MSR1: variants seen among roughly 807,000 people sequenced by gnomAD.
The protein encoded by MSR1 is macrophage scavenger receptor types I and II.
A neutral mutation model predicts 47.2 loss-of-function variants in MSR1; 53 were observed. The observed-to-expected ratio is 1.12, with a 90% CI of 0.90 to 1.41. The LOEUF is 1.41. Among genes scored for constraint, MSR1 ranks in the 40% most tolerant of loss-of-function variants. The pLI, the probability that MSR1 is intolerant of heterozygous loss-of-function variation, is 0.00. For missense variants in MSR1, 786 were observed against 546.9 expected, an observed-to-expected ratio of 1.44 and a Z score of -4.36; for synonymous variants, 239 against 185.6, an observed-to-expected ratio of 1.29 and a Z score of -2.34.
chr8:16,177,551 TACA>T (rs1317608376), intron 2 of MSR1, among the ~76,000 whole-genome samples: 1 of 151,986 alleles, frequency 6.6e-6, no homozygotes, highest in African/African-American at 2.4e-5. Flanking sequence ...TCCCATTTGT[TACA>T]ACAACTCTAG....
chr8:16,175,961 G>A (rs1801634157), intron 2 of MSR1, among the ~76,000 whole-genome samples: 1 of 152,116 alleles, frequency 6.6e-6, no homozygotes, highest in South Asian at 2.1e-4. Flanking sequence ...ATATGGCACT[G>A]TGATTTATAT....
At chr8:16,169,452 T>C (rs1450298028) in intron 3 of MSR1, among the ~76,000 whole-genome samples, 2 of 152,164 alleles carry the variant, frequency 1.3e-5, no homozygotes, top group African/African-American at 4.8e-5. Context: ...GAGCAGGAAA[T>C]TGGGCAAATA....
chr8:16,115,298 C>T (rs190157130), intron 9 of MSR1, among the ~76,000 whole-genome samples: 3 of 152,130 alleles, frequency 2.0e-5, no homozygotes, highest in Non-Finnish European at 2.9e-5. Context: ...GCATGTTTCT[C>T]TTTTAGTTCT....
At chr8:16,186,995 C>A (rs1802018869) in intron 1 of MSR1, among the ~76,000 whole-genome samples, 1 of 151,930 alleles carries the variant, frequency 6.6e-6, no homozygotes, top group Non-Finnish European at 1.5e-5. Flanking sequence ...CCAGAAGAAT[C>A]CTCTTAAAAA....
At chr8:16,186,974 C>G (rs1409798566) in intron 1 of MSR1, among the ~76,000 whole-genome samples, 2 of 151,956 alleles carry the variant, frequency 1.3e-5, no homozygotes, top group African/African-American at 4.8e-5. Context: ...AATTAATTCT[C>G]CACACACTTC....
rs36111220 is a variant in MSR1, at chr8:16,121,429, A to AT, written c.1034-824dup. 8.6e-3 allele frequency among the ~76,000 whole-genome samples: 1,303 copies of AT among 152,138 alleles called. 16 individuals carry two copies. The highest frequency in any genetic ancestry group is 0.015 in the Non-Finnish European group (1,014 of 67,912). The stretch of plus-strand genomic sequence containing the variant: ...CATAAATATGAAATGGCTCTTTTCT[A>AT]TTTTTAAAAACCAATATATATGCAC... On this transcript the variant is annotated intron_variant, in intron 8 of 9. Transcript: ENST00000262101.
At chr8:16,113,399 C>T (rs1799807579) in intron 9 of MSR1, among the ~76,000 whole-genome samples, 1 of 152,078 alleles carries the variant, frequency 6.6e-6, no homozygotes, top group Admixed American at 6.5e-5. Context: ...GATTTGAGAT[C>T]AGCTGCTGAA....
At position 16,108,779 on chromosome 8, in the gene MSR1, T is replaced by C. The variant is rs1018132226; in HGVS notation, c.*1306A>G. The C allele has an allele frequency of 3.3e-5, 5 of 152,150 alleles. No individual in the cohort carries two copies. Among genetic ancestry groups the C allele is most frequent in the African/African-American group, 1.2e-4 (5 of 41,452 alleles). 9.4% of individuals were successfully genotyped at this position (152,150 alleles called of 1,614,324 possible). Reference sequence around the variant, plus strand: ...TTTGCCTTTTTAAGTTGGACGGCTGTGAGTCTACCACTTGGTTATTATGTG... The same window carrying C: ...TTTGCCTTTTTAAGTTGGACGGCTGCGAGTCTACCACTTGGTTATTATGTG... On this transcript the variant is annotated 3_prime_UTR_variant, in exon 10 of 10. Coordinates refer to ENST00000262101, the MANE Select transcript of MSR1 (RefSeq NM_138715.3).
At chr8:16,184,622 T>TCTATACAAAA (rs2117230124) in intron 1 of MSR1, among the ~76,000 whole-genome samples, 1 of 152,142 alleles carries the variant, frequency 6.6e-6, no homozygotes. Flanking sequence ...AAATATAACA[T>TCTATACAAAA]TGAATTACTA....
At chr8:16,183,008 C>T (rs1019236422) in intron 1 of MSR1, among the ~76,000 whole-genome samples, 3 of 152,108 alleles carry the variant, frequency 2.0e-5, no homozygotes, top group Non-Finnish European at 4.4e-5. Context: ...ATTTCCTATT[C>T]CCTTAGAACA....
At chr8:16,126,589 G>A (rs1800134074) in intron 8 of MSR1, among the ~76,000 whole-genome samples, 1 of 152,114 alleles carries the variant, frequency 6.6e-6, no homozygotes, top group Non-Finnish European at 1.5e-5. Flanking sequence ...AATGAAATGT[G>A]CAACCCAAAT....
Position 16,143,574 on chromosome 8 carries a change from C to A in MSR1, c.1017G>T (p.Gly339=), listed in dbSNP as rs1800619629. Residue 339 remains glycine, a synonymous_variant, in exon 8 of 10, where the codon GGG becomes GGT. Transcript: ENST00000262101. ...TATACTTACTTAATGTGTTTCCACT[C>A]CCCTTTTCCCCTTTCTGGCCTTTTG... The part of the protein sequence containing the change: ...SGPKGQKGEK[G]SGNTLTPFTK... 8 of 1,612,458 alleles carry A rather than the reference C, an allele frequency of 5.0e-6. No homozygotes were observed. The highest frequency in any genetic ancestry group is 6.8e-6 in the Non-Finnish European group (8 of 1,178,936).
chr8:16,141,646 G>T (rs1279465324), intron 8 of MSR1, among the ~76,000 whole-genome samples: 4 of 152,056 alleles, frequency 2.6e-5, no homozygotes, highest in Admixed American at 2.6e-4. Flanking sequence ...GAATGCAGAG[G>T]CTGTATACAA....
rs3036812 is a variant in MSR1, at chr8:16,150,171, TAA to T, written c.979+58_979+59del. 7.1e-4 allele frequency: 210 copies of T among 294,968 alleles called. 1 individual carries two copies. The highest frequency in any genetic ancestry group is 1.1e-3 in the Non-Finnish European group (175 of 164,574). The allele number at this position is 294,968 out of a possible 1,614,324, so 18.3% of individuals were successfully genotyped here. On this transcript the variant is annotated intron_variant, in intron 7 of 9. Transcript: ENST00000262101. ...ATATATATATATATATATATATATA[TAA>T]AATTATCTGGTGTTTCTTCTACATA...
At chr8:16,133,129 A>G (rs1800303181) in intron 8 of MSR1, among the ~76,000 whole-genome samples, 1 of 152,132 alleles carries the variant, frequency 6.6e-6, no homozygotes, top group Admixed American at 6.5e-5. Context: ...CAGTTTGTGG[A>G]AAAAAGCAAT....
At chr8:16,143,219 A>G (rs1269227061) in intron 8 of MSR1, among the ~76,000 whole-genome samples, 2 of 152,142 alleles carry the variant, frequency 1.3e-5, no homozygotes, top group African/African-American at 4.8e-5. Context: ...TTAGTAAGGA[A>G]GGAGGTTGTA....
rs987677504 is a variant in MSR1 at position 16,134,978 on chromosome 8, A to G, written c.1033+8580T>C. 1.3e-5 allele frequency among the ~76,000 whole-genome samples: 2 copies of G among 152,160 alleles called. 1 individual carries two copies. The highest frequency in any genetic ancestry group is 4.8e-5 in the African/African-American group (2 of 41,438). On this transcript the variant is annotated intron_variant, in intron 8 of 9. Coordinates refer to ENST00000262101, the MANE Select transcript of MSR1 (RefSeq NM_138715.3). ...AGAAAGGTGAGGAAACTGCAGGAGA[A>G]AAGTTGGAAGCTAGCAGAGGTTGGT...
At chr8:16,175,041 A>G (rs1563166549) in intron 3 of MSR1, 146 bp downstream of exon 3, 1 of 697,822 alleles carries the variant, frequency 1.4e-6, no homozygotes, top group Non-Finnish European at 2.5e-6. Flanking sequence ...CTGTTTTTTA[A>G]CTTAACAAAT....
intron 2 of MSR1, among the ~76,000 whole-genome samples, chr8:16,177,165 C>T (rs1330085885): frequency 1.3e-5 from 2 of 152,030 alleles, no homozygotes; most frequent in Non-Finnish European, 2.9e-5. Flanking sequence ...TTCTGTGCCA[C>T]CAACAGATAT....
Sources: allele counts gnomAD v4.1 joint callset (sites outside exome capture counted in the v4.1 genomes callset), GRCh38; gene constraint gnomAD v4.1.1; transcripts MANE v1.5; gene names NCBI Gene and HGNC (gene_info 2026-07-23, HGNC 2026-07-21).